The following WDR93 variants were observed in gnomAD, a reference collection of about 807,000 sequenced individuals.
WDR93 encodes WD repeat domain 93.
WDR93 carries 73 observed loss-of-function variants against 82.9 expected under a neutral mutation model. That is an observed-to-expected ratio of 0.88 (90% CI 0.73 to 1.07). The LOEUF (loss-of-function observed/expected upper bound fraction) is 1.07, where lower values mean the gene tolerates loss of function less well. Ranked by LOEUF, WDR93 falls within the 50% of genes least tolerant of loss-of-function variation. The probability of loss-of-function intolerance (pLI) is 0.00; values close to 1 mark genes in which losing one functional copy is unlikely to be tolerated. For synonymous variants in WDR93, 283 were observed against 300.1 expected (o/e 0.94, Z 0.59); for missense variants, 738 against 826.0 (o/e 0.89, Z 1.31).
rs1389943788 is a variant in WDR93, at chr15:89,742,735, G to T, written c.1962-557G>T. On this transcript the variant is annotated intron_variant, in intron 16 of 16. Coordinates refer to ENST00000268130, the MANE Select transcript of WDR93 (RefSeq NM_020212.2). Reference sequence around the variant, plus strand: ...TTTAGTAGAGACGGGGTTTCTCCAGGTTGGCCAGGCTAGTCTCAAACTCCC... The same window carrying T: ...TTTAGTAGAGACGGGGTTTCTCCAGTTTGGCCAGGCTAGTCTCAAACTCCC... Among the ~76,000 whole-genome samples, 3 of 152,046 alleles carry T rather than the reference G, an allele frequency of 2.0e-5. No individual in the cohort carries two copies. The East Asian group carries it at 5.8e-4, about 29-fold the overall frequency.
intron 1 of WDR93, among the ~76,000 whole-genome samples, chr15:89,694,067 TC>T (rs1170438453): frequency 6.6e-6 from 1 of 152,284 alleles, no homozygotes; most frequent in East Asian, 1.9e-4. Flanking sequence ...TCATGGTCTA[TC>T]TTTTTAACTT....
At chr15:89,693,688 C>T (rs1965012001) in intron 1 of WDR93, among the ~76,000 whole-genome samples, 1 of 152,186 alleles carries the variant, frequency 6.6e-6, no homozygotes, top group Non-Finnish European at 1.5e-5. Flanking sequence ...GGATCCCTGC[C>T]ATTATCCACC....
At chr15:89,731,412 G>GT (rs1567125777) in intron 11 of WDR93, 31 bp from the exon 12 acceptor site, 14 of 1,613,116 alleles carry the variant, frequency 8.7e-6, no homozygotes, top group Non-Finnish European at 1.2e-5. Flanking sequence ...AGAGTCTGGG[G>GT]GAACCGGTTG....
chr15:89,709,837 G>A (rs370567466), intron 4 of WDR93, among the ~76,000 whole-genome samples: 7 of 150,410 alleles, frequency 4.7e-5, no homozygotes, highest in African/African-American at 1.5e-4. Flanking sequence ...TGTACAAGAT[G>A]TTCATAGCAG....
Position 89,705,573 on chromosome 15 carries a change from T to C in WDR93, c.516T>C (p.Tyr172=), listed in dbSNP as rs773463918. The C allele has an allele frequency of 1.9e-6, 3 of 1,558,744 alleles. No homozygotes were observed. The highest frequency in any genetic ancestry group is 2.7e-6 in the Non-Finnish European group (3 of 1,129,508). The change falls in exon 4 of 17, where the codon TAT becomes TAC. Residue 172 remains tyrosine (Y), a synonymous_variant. Transcript: ENST00000268130. ...TTTCAGGTATCATTAGACTCTTTTA[T>C]TTTTATAAGGAAGGACTTTACCTAG... ...VDEMGIIRLF[Y]FYKEGLYLVK... is the part of the protein sequence containing the mutation.
chr15:89,737,767 T>A, intron 15 of WDR93, 38 bp downstream of exon 15: 1 of 1,612,144 alleles, frequency 6.2e-7, no homozygotes, highest in South Asian at 1.1e-5. Flanking sequence ...CACTGACCAT[T>A]TCCCTGACTT....
intron 13 of WDR93, 22 bp downstream of exon 13, chr15:89,733,241 CG>C (rs1166039735): frequency 6.2e-7 from 1 of 1,602,612 alleles, no homozygotes; most frequent in Non-Finnish European, 8.5e-7. Context: ...GAGGGTGGGA[CG>C]GGGTAAATAA....
chr15:89,729,616 C>A, intron 10 of WDR93, 67 bp from the exon 11 acceptor site: 1 of 1,320,486 alleles, frequency 7.6e-7, no homozygotes, highest in Non-Finnish European at 1.1e-6. Context: ...TCTGTGCAAA[C>A]CAAAGGCCAC....
Position 89,735,568 on chromosome 15 carries a change from C to T in WDR93, c.1608+15C>T. ...TACCTGGCATGGTAGGTTCCCCATG[C>T]CTCTCTGTAAATGCCCCATGCCTCT... On this transcript the variant is annotated intron_variant, in intron 14 of 16. Transcript: ENST00000268130. 6.2e-7 allele frequency: 1 copy of T among 1,612,772 alleles called. No homozygotes were observed. Among genetic ancestry groups the T allele is most frequent in the South Asian group, 1.1e-5 (1 of 91,062 alleles).
intron 1 of WDR93, among the ~76,000 whole-genome samples, chr15:89,697,949 G>T (rs544281752): frequency 3.4e-5 from 5 of 148,192 alleles, no homozygotes; most frequent in African/African-American, 1.2e-4. Flanking sequence ...GTGCAATCTC[G>T]GCTCACTGCA....
intron 7 of WDR93, among the ~76,000 whole-genome samples, chr15:89,720,421 T>A (rs1352961048): frequency 6.6e-6 from 1 of 152,000 alleles, no homozygotes; most frequent in Non-Finnish European, 1.5e-5. Flanking sequence ...TACAGGCACA[T>A]GTCACCATGC....
chr15:89,725,570 C>CTTTTT (rs58934154), intron 8 of WDR93, among the ~76,000 whole-genome samples: 2 of 141,500 alleles, frequency 1.4e-5, no homozygotes, highest in Non-Finnish European at 1.5e-5. Flanking sequence ...TTTTTCTTTT[C>CTTTTT]TTTTTTTTTT....
chr15:89,696,432 A>G (rs1317480573), intron 1 of WDR93, among the ~76,000 whole-genome samples: 1 of 152,148 alleles, frequency 6.6e-6, no homozygotes, highest in Non-Finnish European at 1.5e-5. Flanking sequence ...TTATAAGTAG[A>G]GCTGTCATAA....
At chr15:89,694,504 G>A (rs1182737806) in intron 1 of WDR93, among the ~76,000 whole-genome samples, 4 of 151,980 alleles carry the variant, frequency 2.6e-5, no homozygotes, top group Non-Finnish European at 4.4e-5. Flanking sequence ...CAAAGTGCTG[G>A]GATTACAGGC....
At chr15:89,713,923 G>A (rs1207045810) in intron 5 of WDR93, among the ~76,000 whole-genome samples, 1 of 152,168 alleles carries the variant, frequency 6.6e-6, no homozygotes, top group East Asian at 1.9e-4. Context: ...GGCCAGAAGT[G>A]TGAAATTAAG....
chr15:89,705,392 G>A, intron 3 of WDR93, 162 bp from the exon 4 acceptor site: 2 of 643,098 alleles, frequency 3.1e-6, no homozygotes, highest in Non-Finnish European at 5.6e-6. Flanking sequence ...GGTGGAGGAA[G>A]GCAGGGAGAC....
chr15:89,702,050 G>A lies in WDR93; in HGVS notation c.303+1G>A, dbSNP rs757504280. 1.2e-6 allele frequency: 2 copies of A among 1,605,950 alleles called. No homozygotes were observed. Among genetic ancestry groups the A allele is most frequent in the Non-Finnish European group, 1.7e-6 (2 of 1,175,172 alleles). On this transcript the variant is annotated splice_donor_variant, in intron 2 of 16. Transcript: ENST00000268130. LOFTEE classifies it high-confidence loss of function. ...CTACCCTCCACTTGGAGAAATCCAG[G>A]TATGGAGTAAGCAGTTGACCAGGAG... is the stretch of plus-strand genomic sequence containing the variant.
At chr15:89,705,273 C>T in intron 3 of WDR93, 2 of 415,032 alleles carry the variant, frequency 4.8e-6, no homozygotes, top group South Asian at 5.4e-5. Context: ...AGGAATCAAC[C>T]AGTGGATGGA....
intron 4 of WDR93, among the ~76,000 whole-genome samples, chr15:89,708,840 C>T (rs572316015): frequency 2.0e-5 from 3 of 152,370 alleles, no homozygotes; most frequent in South Asian, 4.1e-4. Flanking sequence ...CCTCCACTCA[C>T]TCACCAGCCG....
Sources: allele counts gnomAD v4.1 joint callset (sites outside exome capture counted in the v4.1 genomes callset), GRCh38; gene constraint gnomAD v4.1.1; transcripts MANE v1.5; gene names NCBI Gene and HGNC (gene_info 2026-07-23, HGNC 2026-07-21).